PRR5L: variants seen among roughly 807,000 people sequenced by gnomAD.
PRR5L encodes the protein proline rich 5 like, also known as proline-rich protein 5-like.
A neutral mutation model predicts 36.4 loss-of-function variants in PRR5L; 21 were observed. That is an observed-to-expected ratio of 0.58 (90% CI 0.41 to 0.83). The LOEUF is 0.83. Among genes scored for constraint, PRR5L ranks in the 40% least tolerant of loss-of-function variants. The pLI is 0.00. For synonymous variants in PRR5L, 188 were observed against 197.0 expected (o/e 0.95, Z 0.38); for missense variants, 381 against 473.3 (o/e 0.80, Z 1.81).
intron 1 of PRR5L, among the ~76,000 whole-genome samples, chr11:36,326,508 T>C (rs948823678): frequency 6.7e-6 from 1 of 149,290 alleles, no homozygotes; most frequent in Admixed American, 6.6e-5. Flanking sequence ...TACATTTGAT[T>C]GATCTACCTC....
intron 1 of PRR5L, among the ~76,000 whole-genome samples, chr11:36,385,499 A>T (rs1857440674): frequency 6.6e-6 from 1 of 152,230 alleles, no homozygotes; most frequent in African/African-American, 2.4e-5. Context: ...TCCTGTGGAC[A>T]CTTAGTGAAC....
At chr11:36,367,067 A>G (rs1370586345) in intron 1 of PRR5L, among the ~76,000 whole-genome samples, 4 of 152,044 alleles carry the variant, frequency 2.6e-5, no homozygotes, top group Non-Finnish European at 5.9e-5. Context: ...TCTTGATTTT[A>G]TCTGTTTCTG....
At chr11:36,368,026 G>A (rs1162912589) in intron 1 of PRR5L, among the ~76,000 whole-genome samples, 1 of 152,082 alleles carries the variant, frequency 6.6e-6, no homozygotes, top group Non-Finnish European at 1.5e-5. Flanking sequence ...AAGAGAGTGG[G>A]AGTGGGTGTA....
rs1159503523 is a variant in PRR5L, at chr11:36,400,973, A to G, written c.-125-24A>G. The G allele has an allele frequency of 8.4e-6, 12 of 1,429,618 alleles. No individual in the cohort carries two copies. The East Asian group carries it at 2.5e-4, about 30-fold the overall frequency. 88.6% of individuals were successfully genotyped at this position (1,429,618 alleles called of 1,614,324 possible). On this transcript the variant is annotated intron_variant, in intron 1 of 8. Coordinates refer to ENST00000530639, the MANE Select transcript of PRR5L (RefSeq NM_001160167.2). ...GGTGTTCTCAGGCCAGGAGTTCTCA[A>G]TAAAAGCTTCCCTCTCTTTTCAGGT...
intron 1 of PRR5L, among the ~76,000 whole-genome samples, chr11:36,368,703 A>G (rs1857169308): frequency 6.6e-6 from 1 of 152,260 alleles, no homozygotes; most frequent in African/African-American, 2.4e-5. Context: ...ACTGTCTTCT[A>G]TTAAGCCAGG....
chr11:36,441,004 A>G (rs894948665), intron 6 of PRR5L, among the ~76,000 whole-genome samples: 3 of 152,216 alleles, frequency 2.0e-5, no homozygotes, highest in African/African-American at 7.2e-5. Context: ...ATCTGTCCCT[A>G]TGACTCTACC....
At chr11:36,426,726 G>T (rs1317054695) in intron 4 of PRR5L, among the ~76,000 whole-genome samples, 1 of 152,220 alleles carries the variant, frequency 6.6e-6, no homozygotes, top group Non-Finnish European at 1.5e-5. Context: ...CTGTAAGACA[G>T]TGTCTGACAC....
chr11:36,410,973 G>A (rs984342024), intron 3 of PRR5L, among the ~76,000 whole-genome samples: 18 of 152,214 alleles, frequency 1.2e-4, no homozygotes, highest in African/African-American at 4.1e-4. Flanking sequence ...AAGGGCCAGG[G>A]TGCAGGGCCA....
chr11:36,434,468 C>T (rs1378203054), intron 5 of PRR5L, among the ~76,000 whole-genome samples: 3 of 152,198 alleles, frequency 2.0e-5, no homozygotes, highest in Admixed American at 1.3e-4. Flanking sequence ...TATATATACA[C>T]ACCCCTTCTT....
chr11:36,414,145 C>G (rs1282231428), intron 3 of PRR5L, among the ~76,000 whole-genome samples: 13 of 151,256 alleles, frequency 8.6e-5, no homozygotes, highest in South Asian at 4.2e-4. Flanking sequence ...CCAAGTCTTT[C>G]CTATTGTGAA....
At chr11:36,439,453 C>T (rs1243596129) in intron 6 of PRR5L, among the ~76,000 whole-genome samples, 4 of 152,092 alleles carry the variant, frequency 2.6e-5, no homozygotes, top group Non-Finnish European at 2.9e-5. Context: ...TAATATTGCC[C>T]CTGTTCACCT....
intron 1 of PRR5L, among the ~76,000 whole-genome samples, chr11:36,343,905 G>GC (rs71044569): frequency 0.32 from 47,068 of 147,610 alleles, 7,960 homozygotes; most frequent in East Asian, 0.71. Flanking sequence ...GTTTTATGTT[G>GC]TTTTTTTTTT....
intron 8 of PRR5L, among the ~76,000 whole-genome samples, chr11:36,457,836 G>A (rs7128580): frequency 0.012 from 1,821 of 152,174 alleles, 29 homozygotes; most frequent in African/African-American, 0.041. Context: ...TCCCCACATG[G>A]GTTTCCCAAC....
intron 1 of PRR5L, among the ~76,000 whole-genome samples, chr11:36,393,039 C>T (rs1466968394): frequency 6.6e-6 from 1 of 152,142 alleles, no homozygotes; most frequent in Admixed American, 6.6e-5. Context: ...ATATTTCTTT[C>T]CTATAGAGTT....
intron 1 of PRR5L, among the ~76,000 whole-genome samples, chr11:36,346,867 T>C (rs1565403225): frequency 6.6e-6 from 1 of 152,224 alleles, no homozygotes; most frequent in Non-Finnish European, 1.5e-5. Flanking sequence ...TATTGTAGGC[T>C]TTGTGGGCCA....
intron 1 of PRR5L, among the ~76,000 whole-genome samples, chr11:36,351,250 T>TTATATATGTATATTTATATATTTA (rs1245238886): frequency 1.6e-5 from 1 of 63,678 alleles, no homozygotes; most frequent in Non-Finnish European, 2.6e-5. Flanking sequence ...ATATATATTT[T>TTATATATGTATATTTATATATTTA]TATATATGTA....
intron 1 of PRR5L, among the ~76,000 whole-genome samples, chr11:36,357,319 G>T (rs1443064668): frequency 6.6e-6 from 1 of 152,244 alleles, no homozygotes; most frequent in Non-Finnish European, 1.5e-5. Flanking sequence ...AGGTGAAGCA[G>T]CATGGGCTGA....
At chr11:36,298,680 C>A (rs982836571) in intron 1 of PRR5L, among the ~76,000 whole-genome samples, 2 of 152,224 alleles carry the variant, frequency 1.3e-5, no homozygotes, top group African/African-American at 4.8e-5. Flanking sequence ...AGACCACAGA[C>A]CAGTACTGGT....
chr11:36,355,548 C>CTTTTTT (rs1041820581), intron 1 of PRR5L, among the ~76,000 whole-genome samples: 13 of 127,058 alleles, frequency 1.0e-4, no homozygotes, highest in East Asian at 4.6e-4. Flanking sequence ...CTTTGCTTTG[C>CTTTTTT]TTTTTTTTTT....
Sources: allele counts gnomAD v4.1 joint callset (sites outside exome capture counted in the v4.1 genomes callset), GRCh38; gene constraint gnomAD v4.1.1; transcripts MANE v1.5; gene names NCBI Gene and HGNC (gene_info 2026-07-23, HGNC 2026-07-21).